Variants in TRERF1 observed in about 807,000 individuals in gnomAD.
TRERF1 encodes the protein transcriptional regulating factor 1.
Under a neutral mutation model 122.9 loss-of-function variants are expected in TRERF1, and 27 were observed. The ratio of observed to expected loss-of-function variants is 0.22; its 90% CI spans 0.16 to 0.30. TRERF1 has a LOEUF of 0.30. Ranked by LOEUF, TRERF1 falls within the 10% of genes least tolerant of loss-of-function variation. The pLI is 1.00. For synonymous variants in TRERF1, 636 were observed against 641.7 expected (o/e 0.99, Z 0.13); for missense variants, 1,248 against 1,560.3 (o/e 0.80, Z 3.37).
At chr6:42,336,194 G>A (rs1383025852) in intron 3 of TRERF1, among the ~76,000 whole-genome samples, 1 of 152,222 alleles carries the variant, frequency 6.6e-6, no homozygotes, top group Non-Finnish European at 1.5e-5. Context: ...TATGAAATGA[G>A]TGAATGCGGA....
chr6:42,257,154 A>T, intron 10 of TRERF1, 52 bp from the exon 11 acceptor site: 1 of 1,597,426 alleles, frequency 6.3e-7, no homozygotes, highest in Non-Finnish European at 8.5e-7. Context: ...TTGATGGCTC[A>T]GGCCAAGGGC....
intron 3 of TRERF1, among the ~76,000 whole-genome samples, chr6:42,304,079 A>G (rs1373126344): frequency 2.0e-5 from 3 of 152,098 alleles, no homozygotes; most frequent in Admixed American, 6.5e-5. Context: ...CCAATGTATG[A>G]TAAGTTTTAA....
Position 42,408,261 on chromosome 6 carries a change from G to GCACA in TRERF1, c.-454+42915_-454+42916insTGTG, listed in dbSNP as rs1562152883. 1.5e-4 allele frequency among the ~76,000 whole-genome samples: 20 copies of GCACA among 131,540 alleles called. No homozygotes were observed. In the East Asian group the frequency reaches 4.2e-3, roughly 27 times the overall value. The allele number at this position is 131,540 out of a possible 152,430, so 86.3% of individuals were successfully genotyped here. On this transcript the variant is annotated intron_variant, in intron 2 of 17. Transcript: ENST00000372922. ...TGTATGTATATATACATACACATGT[G>GCACA]TGTGTATGTATATATACATACACAT...
At chr6:42,306,628 G>A (rs746966010) in intron 3 of TRERF1, among the ~76,000 whole-genome samples, 1 of 152,144 alleles carries the variant, frequency 6.6e-6, no homozygotes, top group Non-Finnish European at 1.5e-5. Flanking sequence ...CAAGTCCTCA[G>A]ACACACCAAG....
chr6:42,248,796 G>A (rs1300362938), intron 13 of TRERF1, among the ~76,000 whole-genome samples: 1 of 152,156 alleles, frequency 6.6e-6, no homozygotes, highest in Admixed American at 6.5e-5. Flanking sequence ...GGGGCTGGGG[G>A]TTTGGAGAAT....
chr6:42,305,974 T>G (rs1787134836), intron 3 of TRERF1, among the ~76,000 whole-genome samples: 1 of 149,350 alleles, frequency 6.7e-6, no homozygotes, highest in Non-Finnish European at 1.5e-5. Context: ...AAAACTCCCA[T>G]TCTCTCTCCA....
At chr6:42,446,889 C>G (rs532130988) in intron 2 of TRERF1, among the ~76,000 whole-genome samples, 4 of 152,246 alleles carry the variant, frequency 2.6e-5, no homozygotes, top group African/African-American at 9.6e-5. Flanking sequence ...CCTGTAATCC[C>G]AGCTACCTGG....
chr6:42,226,560 A>G, exon 18 of TRERF1: 1 of 152,222 alleles, frequency 6.6e-6, no homozygotes, highest in South Asian at 2.1e-4. Flanking sequence ...CCCTCTAAAC[A>G]AAAGATGTAG....
chr6:42,236,357 C>G lies in TRERF1; in HGVS notation c.2914G>C (p.Asp972His). The G allele has an allele frequency of 1.3e-6, 2 of 1,574,426 alleles. No homozygotes were observed. Among genetic ancestry groups the G allele is most frequent in the Non-Finnish European group, 1.7e-6 (2 of 1,159,642 alleles). ...TCTTCTTCTTTTGTGGATTTCCTAT[C>G]TTCTTCCGGGTCCTCCTCCTCCTCC... is the stretch of plus-strand genomic sequence containing the variant. Residue 972 changes from aspartate to histidine, a missense_variant, in exon 16 of 18, where the codon GAT becomes CAT. Physicochemically the swap from Asp to His is moderately conservative, Grantham distance 81. Coordinates refer to ENST00000372922, the Ensembl canonical transcript of TRERF1.
intron 14 of TRERF1, among the ~76,000 whole-genome samples, chr6:42,245,083 G>A (rs1774520559): frequency 6.6e-6 from 1 of 152,238 alleles, no homozygotes; most frequent in African/African-American, 2.4e-5. Flanking sequence ...AGTGAGGACA[G>A]TGCCCGTCCC....
At chr6:42,265,952 C>T (rs1220936412) in intron 5 of TRERF1, among the ~76,000 whole-genome samples, 155 bp from the exon 6 acceptor site, 1 of 152,178 alleles carries the variant, frequency 6.6e-6, no homozygotes, top group Non-Finnish European at 1.5e-5. Flanking sequence ...CTCACTCCCT[C>T]ACTCTTCTGC....
chr6:42,358,289 G>C (rs1770983597), intron 3 of TRERF1, among the ~76,000 whole-genome samples: 1 of 152,226 alleles, frequency 6.6e-6, no homozygotes, highest in Non-Finnish European at 1.5e-5. Context: ...ACAATTCTAA[G>C]TTAATGACTG....
chr6:42,330,239 C>A (rs1424744208), intron 3 of TRERF1, among the ~76,000 whole-genome samples: 9 of 152,102 alleles, frequency 5.9e-5, no homozygotes, highest in Non-Finnish European at 4.4e-5. Context: ...CAGTAAAATG[C>A]AGATTAAAAT....
At chr6:42,449,514 A>C (rs1342126892) in intron 2 of TRERF1, among the ~76,000 whole-genome samples, 2 of 152,168 alleles carry the variant, frequency 1.3e-5, no homozygotes, top group Non-Finnish European at 2.9e-5. Context: ...AAAGCAAGAC[A>C]ATAAAATAAA....
chr6:42,297,604 C>A lies in TRERF1; in HGVS notation c.-259+3034G>T, dbSNP rs180898040. Among the ~76,000 whole-genome samples, 426 of 152,324 alleles carry A rather than the reference C, an allele frequency of 2.8e-3. 2 individuals carry two copies. Among genetic ancestry groups the A allele is most frequent in the African/African-American group, 9.8e-3 (409 of 41,566 alleles). On this transcript the variant is annotated intron_variant, in intron 4 of 17. Coordinates refer to ENST00000372922, the Ensembl canonical transcript of TRERF1. ...GGGCTGAGCAGAATGGGGGGAAAAT[C>A]TCTCTGCTGAAAATGTGTAACCATA...
chr6:42,388,046 C>A (rs919737609), intron 2 of TRERF1, among the ~76,000 whole-genome samples: 9 of 152,120 alleles, frequency 5.9e-5, no homozygotes, highest in African/African-American at 2.2e-4. Context: ...CTCCACCTCC[C>A]AAAGTGCTGG....
intron 3 of TRERF1, among the ~76,000 whole-genome samples, chr6:42,351,914 C>T (rs561356080): frequency 4.6e-5 from 7 of 152,312 alleles, no homozygotes; most frequent in African/African-American, 1.2e-4. Context: ...AGGGCTCCAC[C>T]GGTGGAGTGA....
intron 2 of TRERF1, among the ~76,000 whole-genome samples, chr6:42,444,011 G>A (rs960253533): frequency 3.9e-5 from 6 of 152,004 alleles, no homozygotes; most frequent in Non-Finnish European, 8.8e-5. Context: ...GAGAGGCTCG[G>A]AGGTCGACTA....
intron 3 of TRERF1, among the ~76,000 whole-genome samples, chr6:42,344,097 C>T (rs1482360014): frequency 2.0e-5 from 3 of 152,208 alleles, no homozygotes; most frequent in Admixed American, 6.5e-5. Context: ...GAAGGAGCTG[C>T]GTTCACCTGG....
Sources: allele counts gnomAD v4.1 joint callset (sites outside exome capture counted in the v4.1 genomes callset), GRCh38; gene constraint gnomAD v4.1.1; transcripts MANE v1.5; gene names NCBI Gene and HGNC (gene_info 2026-07-23, HGNC 2026-07-21).